GNA14: variants seen among roughly 807,000 people sequenced by gnomAD.
GNA14 encodes the protein G protein subunit alpha 14, also known as guanine nucleotide-binding protein subunit alpha-14.
A neutral mutation model predicts 42.0 loss-of-function variants in GNA14; 50 were observed. The observed-to-expected ratio is 1.19, with a 90% CI of 0.95 to 1.51. The LOEUF (loss-of-function observed/expected upper bound fraction) is 1.51, where lower values mean the gene tolerates loss of function less well. GNA14 is among the 40% of genes most tolerant of loss of function. GNA14 has a pLI of 0.00. For synonymous variants in GNA14, 173 were observed against 163.1 expected, an observed-to-expected ratio of 1.06 and a Z score of -0.46; for missense variants, 473 against 446.2, an observed-to-expected ratio of 1.06 and a Z score of -0.54.
At chr9:77,560,850 G>GA (rs960812303) in intron 1 of GNA14, among the ~76,000 whole-genome samples, 185 of 146,500 alleles carry the variant, frequency 1.3e-3, no homozygotes, top group Non-Finnish European at 1.9e-3. Flanking sequence ...GGGAATGGTG[G>GA]AAAAAAAAAA....
chr9:77,449,343 A>C (rs1835869840), intron 2 of GNA14, among the ~76,000 whole-genome samples: 1 of 152,232 alleles, frequency 6.6e-6, no homozygotes, highest in Admixed American at 6.5e-5. Flanking sequence ...GACTGTATGT[A>C]GTAACATTAA....
At chr9:77,489,554 C>T (rs894113679) in intron 2 of GNA14, among the ~76,000 whole-genome samples, 3 of 152,204 alleles carry the variant, frequency 2.0e-5, no homozygotes, top group Admixed American at 6.5e-5. Flanking sequence ...AATGAAGCCG[C>T]GGACCCTCGT....
rs567711608 is a variant in GNA14 at position 77,600,865 on chromosome 9, G to A, written c.124+46805C>T. Among the ~76,000 whole-genome samples, 8 of 152,360 alleles carry A rather than the reference G, an allele frequency of 5.3e-5. No homozygotes were observed. The East Asian group carries it at 9.7e-4, about 18-fold the overall frequency. The stretch of plus-strand genomic sequence containing the variant: ...ACCCGGGAGGCGGAGGTTGCAGTGC[G>A]CCAAGATCGCGCCATTGCACTCCAG... On this transcript the variant is annotated intron_variant, in intron 1 of 6. Transcript: ENST00000341700.
intron 1 of GNA14, among the ~76,000 whole-genome samples, chr9:77,549,955 G>T (rs552429960): frequency 1.3e-5 from 2 of 152,244 alleles, no homozygotes; most frequent in South Asian, 4.1e-4. Flanking sequence ...CCAGTCCATC[G>T]TCTTGGGGGT....
intron 1 of GNA14, among the ~76,000 whole-genome samples, chr9:77,624,178 C>G (rs546205752): frequency 6.6e-6 from 1 of 152,264 alleles, no homozygotes; most frequent in East Asian, 1.9e-4. Context: ...GCAGATCCCC[C>G]CACAGCACTG....
At chr9:77,453,346 C>A (rs536660536) in intron 2 of GNA14, among the ~76,000 whole-genome samples, 1 of 152,120 alleles carries the variant, frequency 6.6e-6, no homozygotes, top group Admixed American at 6.5e-5. Flanking sequence ...AATTACCCAG[C>A]CTAAGGTATT....
intron 2 of GNA14, among the ~76,000 whole-genome samples, chr9:77,514,665 G>A (rs1402985893): frequency 1.3e-5 from 2 of 148,786 alleles, no homozygotes; most frequent in African/African-American, 5.0e-5. Context: ...CCAGGCTAGA[G>A]TGCAGTGGTG....
chr9:77,480,057 G>C (rs564823278), intron 2 of GNA14, among the ~76,000 whole-genome samples: 1 of 152,254 alleles, frequency 6.6e-6, no homozygotes, highest in South Asian at 2.1e-4. Flanking sequence ...TCTCCTGCCT[G>C]ATTGCCCTGG....
intron 2 of GNA14, among the ~76,000 whole-genome samples, chr9:77,519,524 C>G (rs912872869): frequency 6.6e-6 from 1 of 152,120 alleles, no homozygotes; most frequent in Non-Finnish European, 1.5e-5. Context: ...TCCCTACCAC[C>G]AATTTTTTTT....
intron 1 of GNA14, 55 bp from the exon 2 acceptor site, chr9:77,529,308 G>T: frequency 7.4e-7 from 1 of 1,358,916 alleles, no homozygotes. Flanking sequence ...AGGAACACAC[G>T]AAGAAACAGA....
At chr9:77,517,314 A>T (rs754145458) in intron 2 of GNA14, 7 of 151,792 alleles carry the variant, frequency 4.6e-5, no homozygotes, top group Non-Finnish European at 1.0e-4. Context: ...ATTCATTCAA[A>T]AATAGGGAGC....
chr9:77,529,162 C>T lies in GNA14; in HGVS notation c.216G>A (p.Thr72=), dbSNP rs755246583. ...GYSDEDRKGF[T]KLVYQNIFTA... is the part of the protein sequence containing the mutation. ...TGAATATGTTTTGGTAAACCAGCTT[C>T]GTGAACCCCTTTCTGTCTTCGTCGC... The change falls in exon 2 of 7, where the codon ACG becomes ACA. Residue 72 remains threonine (T), a synonymous_variant. Coordinates refer to ENST00000341700, the MANE Select transcript of GNA14 (RefSeq NM_004297.4). The T allele has an allele frequency of 7.2e-5, 116 of 1,613,848 alleles. No homozygotes were observed. Among genetic ancestry groups the T allele is most frequent in the Admixed American group, 2.0e-4 (12 of 59,994 alleles).
intron 2 of GNA14, chr9:77,517,668 G>A (rs1442047861): frequency 1.6e-5 from 2 of 123,326 alleles, no homozygotes; most frequent in African/African-American, 6.2e-5. Context: ...GTGCAGTGGT[G>A]TAATCATGGC....
chr9:77,602,182 G>A (rs1162336979), intron 1 of GNA14, among the ~76,000 whole-genome samples: 1 of 152,188 alleles, frequency 6.6e-6, no homozygotes, highest in African/African-American at 2.4e-5. Flanking sequence ...TTTGATTGCT[G>A]ACTGCCGTAA....
chr9:77,557,673 T>G (rs1822806144), intron 1 of GNA14, among the ~76,000 whole-genome samples: 1 of 152,126 alleles, frequency 6.6e-6, no homozygotes, highest in Non-Finnish European at 1.5e-5. Context: ...TCTGCTCCAG[T>G]GGAACAAGGA....
At chr9:77,553,749 GATGTT>G (rs1437744964) in intron 1 of GNA14, among the ~76,000 whole-genome samples, 1 of 152,138 alleles carries the variant, frequency 6.6e-6, no homozygotes, top group Non-Finnish European at 1.5e-5. Context: ...TTCAAAGTGG[GATGTT>G]ATGTCACCCA....
intron 1 of GNA14, among the ~76,000 whole-genome samples, chr9:77,571,325 A>C (rs1443912525): frequency 6.6e-6 from 1 of 152,202 alleles, no homozygotes; most frequent in African/African-American, 2.4e-5. Context: ...TTGGAGTTAA[A>C]TTTTGACAGA....
chr9:77,536,133 T>C (rs10869937), intron 1 of GNA14, among the ~76,000 whole-genome samples: 16,629 of 152,080 alleles, frequency 0.11, 950 homozygotes, highest in Middle Eastern at 0.15. Context: ...AAAGGAGAAG[T>C]AGCAATAATT....
At chr9:77,487,521 A>C (rs1836681693) in intron 2 of GNA14, among the ~76,000 whole-genome samples, 1 of 152,196 alleles carries the variant, frequency 6.6e-6, no homozygotes, top group Admixed American at 6.5e-5. Flanking sequence ...ATAAGCCAGT[A>C]TGTAAAAGCA....
Sources: allele counts gnomAD v4.1 joint callset (sites outside exome capture counted in the v4.1 genomes callset), GRCh38; gene constraint gnomAD v4.1.1; transcripts MANE v1.5; gene names NCBI Gene and HGNC (gene_info 2026-07-23, HGNC 2026-07-21).